Variants in SMOC2 observed in about 807,000 individuals in gnomAD.
The protein encoded by SMOC2 is SPARC related modular calcium binding 2.
Under a neutral mutation model 61.4 loss-of-function variants are expected in SMOC2, and 39 were observed. The ratio of observed to expected loss-of-function variants is 0.64; its 90% confidence interval spans 0.49 to 0.83. The LOEUF is 0.83. SMOC2 is among the 40% of genes least tolerant of loss of function. The pLI is 0.00. For missense variants in SMOC2, 556 were observed against 592.9 expected (o/e 0.94, Z 0.65); for synonymous variants, 247 against 239.9 (o/e 1.03, Z -0.27).
intron 8 of SMOC2, among the ~76,000 whole-genome samples, chr6:168,601,376 G>A (rs1327053114): frequency 1.3e-5 from 2 of 152,238 alleles, no homozygotes; most frequent in East Asian, 3.9e-4. Flanking sequence ...ACTGCACAGG[G>A]GTGCTGAGGC....
intron 1 of SMOC2, among the ~76,000 whole-genome samples, chr6:168,504,854 A>G (rs1782825039): frequency 6.6e-6 from 1 of 152,216 alleles, no homozygotes; most frequent in African/African-American, 2.4e-5. Flanking sequence ...TAATACATTC[A>G]GTTTAAGCTG....
intron 1 of SMOC2, among the ~76,000 whole-genome samples, chr6:168,482,453 G>A (rs983636604): frequency 2.6e-5 from 4 of 152,014 alleles, no homozygotes; most frequent in African/African-American, 9.7e-5. Flanking sequence ...AAAACCTGTG[G>A]ACCTCACGGC....
At chr6:168,602,884 G>A (rs1163759672) in intron 8 of SMOC2, among the ~76,000 whole-genome samples, 1 of 152,176 alleles carries the variant, frequency 6.6e-6, no homozygotes, top group East Asian at 1.9e-4. Flanking sequence ...TCAGGCAGAG[G>A]GCAGGTCCTG....
intron 1 of SMOC2, among the ~76,000 whole-genome samples, chr6:168,450,985 T>C (rs1435527252): frequency 2.6e-5 from 4 of 152,212 alleles, no homozygotes; most frequent in Admixed American, 1.3e-4. Flanking sequence ...AGGTTGGAAA[T>C]ACAGCCACCA....
chr6:168,441,227 C>A lies in SMOC2; in HGVS notation c.-144C>A. The A allele has an allele frequency of 9.4e-6, 12 of 1,279,294 alleles. No individual in the cohort carries two copies. The highest frequency in any genetic ancestry group is 1.2e-5 in the Non-Finnish European group (12 of 1,000,500). 79.2% of individuals were successfully genotyped at this position (1,279,294 alleles called of 1,614,324 possible). A position where few individuals can be genotyped will look rare whatever the true frequency, so the allele number is the denominator to read the frequency against. On this transcript the variant is annotated 5_prime_UTR_variant, in exon 1 of 13. Transcript: ENST00000356284. The stretch of plus-strand genomic sequence containing the variant: ...GTGCCTGCAGGGGAGCTGCTCCAGC[C>A]GGGCCGCCGGGAGCGGTGGGGAGAG...
intron 4 of SMOC2, among the ~76,000 whole-genome samples, chr6:168,538,331 G>C (rs13199354): frequency 9.0e-6 from 1 of 110,742 alleles, no homozygotes. Flanking sequence ...GGGGAGTGGG[G>C]TGACCGCTGC....
At chr6:168,564,307 C>A (rs1451428833) in intron 7 of SMOC2, among the ~76,000 whole-genome samples, 1 of 152,098 alleles carries the variant, frequency 6.6e-6, no homozygotes, top group East Asian at 1.9e-4. Context: ...ATTCTTTGCA[C>A]CCCATCTGCA....
chr6:168,636,403 T>C (rs1786720986), intron 9 of SMOC2, among the ~76,000 whole-genome samples: 1 of 152,218 alleles, frequency 6.6e-6, no homozygotes. Context: ...ATCAGCCTTC[T>C]CCTAAATGTA....
intron 2 of SMOC2, among the ~76,000 whole-genome samples, chr6:168,524,959 G>A (rs963385064): frequency 1.3e-5 from 2 of 152,202 alleles, no homozygotes; most frequent in African/African-American, 2.4e-5. Context: ...TAATCGGATC[G>A]CATTTTGCCA....
chr6:168,549,071 G>C, intron 6 of SMOC2, 58 bp from the exon 7 acceptor site: 2 of 1,417,452 alleles, frequency 1.4e-6, no homozygotes, highest in East Asian at 4.6e-5. Context: ...GCGTAACTAA[G>C]GAACATTGTG....
intron 1 of SMOC2, among the ~76,000 whole-genome samples, chr6:168,463,551 G>A (rs144025192): frequency 3.0e-4 from 46 of 152,318 alleles, no homozygotes; most frequent in African/African-American, 9.9e-4. Context: ...GATGTGGGGA[G>A]TGATGTATCC....
At chr6:168,628,570 A>T (rs1786479959) in intron 9 of SMOC2, among the ~76,000 whole-genome samples, 1 of 152,218 alleles carries the variant, frequency 6.6e-6, no homozygotes, top group Admixed American at 6.5e-5. Flanking sequence ...TAAATTGGAA[A>T]ATGCAAAACT....
At chr6:168,501,789 G>T (rs1782736026) in intron 1 of SMOC2, among the ~76,000 whole-genome samples, 1 of 152,254 alleles carries the variant, frequency 6.6e-6, no homozygotes, top group African/African-American at 2.4e-5. Flanking sequence ...TTGCTTGGTT[G>T]TGTGTGCATC....
At chr6:168,546,420 C>T (rs1366438699) in intron 5 of SMOC2, among the ~76,000 whole-genome samples, 5 of 152,112 alleles carry the variant, frequency 3.3e-5, no homozygotes, top group African/African-American at 1.2e-4. Context: ...TACCAGGGGG[C>T]CCAATGTGTG....
chr6:168,663,732 TGTA>T (rs1380853148), intron 11 of SMOC2, among the ~76,000 whole-genome samples: 1 of 152,210 alleles, frequency 6.6e-6, no homozygotes, highest in African/African-American at 2.4e-5. Context: ...AATAAAAAAA[TGTA>T]GTATAGCAAG....
chr6:168,600,407 CAA>C (rs776962137), intron 8 of SMOC2, among the ~76,000 whole-genome samples: 5 of 24,328 alleles, frequency 2.1e-4, no homozygotes, highest in East Asian at 3.3e-3. Flanking sequence ...AACTCTGCCT[CAA>C]AAAAAAAAAA....
intron 1 of SMOC2, among the ~76,000 whole-genome samples, chr6:168,449,064 A>G (rs1781401210): frequency 2.0e-5 from 3 of 152,070 alleles, no homozygotes; most frequent in Admixed American, 1.3e-4. Context: ...CTCACATGGA[A>G]CCACATTTGT....
chr6:168,619,619 A>G (rs559694199), intron 9 of SMOC2, among the ~76,000 whole-genome samples: 83 of 152,272 alleles, frequency 5.5e-4, no homozygotes, highest in African/African-American at 1.9e-3. Flanking sequence ...TCTTTTCTGA[A>G]TTGATTGAGG....
intron 1 of SMOC2, among the ~76,000 whole-genome samples, chr6:168,442,728 T>G (rs554770507): frequency 1.3e-5 from 2 of 152,378 alleles, no homozygotes; most frequent in South Asian, 4.1e-4. Flanking sequence ...TTTCTTTTTC[T>G]TCGTCTTCTT....
Sources: gnomAD v4.1 joint callset for allele counts (sites outside exome capture counted in the v4.1 genomes callset) on GRCh38, gnomAD v4.1.1 for gene constraint, MANE v1.5 for transcripts, NCBI Gene and HGNC (gene_info 2026-07-23, HGNC 2026-07-21) for gene names.